RERGL: variants seen among roughly 807,000 people sequenced by gnomAD.
RERGL encodes the protein RERG like.
RERGL carries 22 observed loss-of-function variants against 24.7 expected under a neutral mutation model. The observed-to-expected ratio is 0.89, with a 90% CI of 0.64 to 1.27. The LOEUF is 1.27. Ranked by LOEUF, RERGL falls within the 50% of genes most tolerant of loss-of-function variation. The probability of loss-of-function intolerance (pLI) is 0.00; values close to 1 mark genes in which losing one functional copy is unlikely to be tolerated. For missense variants in RERGL, 259 were observed against 235.3 expected (o/e 1.10, Z -0.66); for synonymous variants, 76 against 82.6 (o/e 0.92, Z 0.43).
rs1055425760 is a variant in RERGL, at chr12:18,080,932, G to T, written c.*259C>A. On this transcript the variant is annotated 3_prime_UTR_variant, in exon 5 of 5. Coordinates refer to ENST00000538724, the MANE Select transcript of RERGL (RefSeq NM_001286201.2). ...TTATTTGGCAAGGCAAACTGGGATC[G>T]CTGTCCGCCAGTAGGTTAGGGTGAG... The T allele has an allele frequency of 3.6e-6, 1 of 278,046 alleles. No homozygotes were observed. The highest frequency in any genetic ancestry group is 2.2e-5 in the African/African-American group (1 of 46,204). The allele number at this position is 278,046 out of a possible 1,614,324, so 17.2% of individuals were successfully genotyped here. A position where few individuals can be genotyped will look rare whatever the true frequency, so the allele number is the denominator to read the frequency against.
chr12:18,081,526 TTAA>T (rs1431447463), intron 4 of RERGL, 53 bp from the exon 5 acceptor site: 273 of 1,011,306 alleles, frequency 2.7e-4, no homozygotes, highest in African/African-American at 8.8e-4. Context: ...ACTCTTTTTT[TTAA>T]AAAAAAAAAA....
rs147371425 is a variant in RERGL, at chr12:18,084,864, A to G, written c.184-199T>C. Among the ~76,000 whole-genome samples, 383 of 152,376 alleles carry G rather than the reference A, an allele frequency of 2.5e-3. 2 individuals are homozygous for G. The highest frequency in any genetic ancestry group is 8.2e-3 in the African/African-American group (341 of 41,596). On this transcript the variant is annotated intron_variant, in intron 3 of 4. Transcript: ENST00000538724. ...AAGTGACTAAATGTAAAACAGAACT[A>G]TAATAAAGTTATATCTATCTAATTT...
chr12:18,089,958 T>G, intron 1 of RERGL, 131 bp downstream of exon 1: 178 of 591,568 alleles, frequency 3.0e-4, no homozygotes, highest in East Asian at 8.0e-4. Context: ...ATCATCCCAG[T>G]GAGATAATGT....
intron 4 of RERGL, among the ~76,000 whole-genome samples, chr12:18,081,931 G>C (rs1947177359): frequency 6.6e-6 from 1 of 152,138 alleles, no homozygotes; most frequent in Non-Finnish European, 1.5e-5. Context: ...ATGAGGTCAG[G>C]AGATCGAGAC....
At chr12:18,088,834 A>T in intron 2 of RERGL, 66 bp downstream of exon 2, 1 of 982,512 alleles carries the variant, frequency 1.0e-6, no homozygotes, top group Non-Finnish European at 1.6e-6. Flanking sequence ...GCATCTCTGT[A>T]CTTAAGTGGG....
At chr12:18,082,733 A>G (rs1050336285) in intron 4 of RERGL, among the ~76,000 whole-genome samples, 1 of 152,198 alleles carries the variant, frequency 6.6e-6, no homozygotes, top group Non-Finnish European at 1.5e-5. Context: ...ATAAGCAAAA[A>G]TATTATTCAA....
chr12:18,089,610 C>A (rs989532588), intron 1 of RERGL, among the ~76,000 whole-genome samples: 1 of 152,102 alleles, frequency 6.6e-6, no homozygotes, highest in South Asian at 2.1e-4. Flanking sequence ...ATCCACCAAG[C>A]CATGCGCCCC....
chr12:18,088,887 A>C lies in RERGL; in HGVS notation c.109+13T>G. On this transcript the variant is annotated intron_variant, in intron 2 of 4. Coordinates refer to ENST00000538724, the MANE Select transcript of RERGL (RefSeq NM_001286201.2). The stretch of plus-strand genomic sequence containing the variant: ...AAAGTTTTAAGGTAAAAATGTCTAG[A>C]GTAGTGACTTACCAAAATTAGAAGC... 2 of 1,541,772 alleles carry C rather than the reference A, an allele frequency of 1.3e-6. No homozygotes were observed. The highest frequency in any genetic ancestry group is 1.8e-6 in the Non-Finnish European group (2 of 1,114,486).
chr12:18,084,684 C>T lies in RERGL; in HGVS notation c.184-19G>A, dbSNP rs1274934862. On this transcript the variant is annotated intron_variant, in intron 3 of 4. Transcript: ENST00000538724. ...TCTGTGTCTGAAAATAAACCAAGTGCATTAAAAGTGGTGGGATCTAATACC... is the reference window on the plus strand; with the variant it reads ...TCTGTGTCTGAAAATAAACCAAGTGTATTAAAAGTGGTGGGATCTAATACC... The T allele has an allele frequency of 6.2e-7, 1 of 1,603,208 alleles. No homozygotes were observed. Among genetic ancestry groups the T allele is most frequent in the Non-Finnish European group, 8.5e-7 (1 of 1,176,652 alleles).
At chr12:18,082,379 C>T (rs539776473) in intron 4 of RERGL, among the ~76,000 whole-genome samples, 56 of 152,150 alleles carry the variant, frequency 3.7e-4, no homozygotes, top group African/African-American at 1.3e-3. Context: ...AATTAACTAA[C>T]GGGTTCTAGG....
intron 2 of RERGL, among the ~76,000 whole-genome samples, chr12:18,088,212 T>C (rs1947237996): frequency 6.6e-6 from 1 of 152,196 alleles, no homozygotes; most frequent in Admixed American, 6.5e-5. Flanking sequence ...ATTTCTTCAA[T>C]TGGGTAAGAT....
chr12:18,085,344 C>T (rs192472729), intron 3 of RERGL, among the ~76,000 whole-genome samples: 2 of 152,150 alleles, frequency 1.3e-5, no homozygotes, highest in Admixed American at 1.3e-4. Flanking sequence ...GACACTGTAA[C>T]CTGATAGAAA....
chr12:18,086,475 A>G (rs11043843), intron 2 of RERGL, among the ~76,000 whole-genome samples: 22,658 of 152,072 alleles, frequency 0.15, 2,710 homozygotes, highest in African/African-American at 0.34. Context: ...TTAATTCTGT[A>G]TCTTGATTTT....
chr12:18,081,635 C>T (rs548345480), intron 4 of RERGL, among the ~76,000 whole-genome samples, 162 bp from the exon 5 acceptor site: 30 of 151,760 alleles, frequency 2.0e-4, no homozygotes, highest in African/African-American at 7.0e-4. Context: ...TACACATAGC[C>T]CCAATTACTT....
intron 2 of RERGL, among the ~76,000 whole-genome samples, 195 bp from the exon 3 acceptor site, chr12:18,085,888 G>C (rs866372326): frequency 6.4e-5 from 8 of 125,274 alleles, no homozygotes; most frequent in South Asian, 4.8e-4. Flanking sequence ...GCCACAGTCT[G>C]TCTCTGTCAC....
At position 18,081,397 on chromosome 12, in the gene RERGL, C is replaced by T. The variant is rs756331045; in HGVS notation, c.409G>A (p.Gly137Arg). 11 of 1,613,926 alleles carry T rather than the reference C, an allele frequency of 6.8e-6. No individual in the cohort carries two copies. The highest frequency in any genetic ancestry group is 1.6e-4 in the Middle Eastern group (1 of 6,084). Residue 137 changes from glycine to arginine, a missense_variant, in exon 5 of 5, where the codon GGG becomes AGG. By Grantham distance (125) the Gly-to-Arg change is moderately radical (BLOSUM62 -2). Coordinates refer to ENST00000538724, the MANE Select transcript of RERGL (RefSeq NM_001286201.2). ...CHVREVGWEE[G>R]QKLALENRCQ... ...CGGTTTTCCAGTGCCAGCTTTTGCC[C>T]TTCTTCCCAGCCAACCTCTCGCACA...
rs1947163607 is a variant in RERGL at position 18,080,895 on chromosome 12, C to A, written c.*296G>T. 1 of 217,560 alleles carries A rather than the reference C, an allele frequency of 4.6e-6. No homozygotes were observed. The highest frequency in any genetic ancestry group is 9.1e-6 in the Non-Finnish European group (1 of 109,930). 13.5% of individuals were successfully genotyped at this position (217,560 alleles called of 1,614,324 possible). The stretch of plus-strand genomic sequence containing the variant: ...ATGGCATGGTCGTTTAATAAATTCA[C>A]ATAAACAGAGTTTATTTGGCAAGGC... On this transcript the variant is annotated 3_prime_UTR_variant, in exon 5 of 5. Coordinates refer to ENST00000538724, the MANE Select transcript of RERGL (RefSeq NM_001286201.2).
At chr12:18,085,961 C>T (rs995723608) in intron 2 of RERGL, among the ~76,000 whole-genome samples, 14 of 150,594 alleles carry the variant, frequency 9.3e-5, no homozygotes, top group Non-Finnish European at 2.1e-4. Flanking sequence ...GGGTTCACGC[C>T]GTTCTCCTGC....
chr12:18,088,891 G>A lies in RERGL; in HGVS notation c.109+9C>T, dbSNP rs1947243809. The stretch of plus-strand genomic sequence containing the variant: ...TTTTAAGGTAAAAATGTCTAGAGTA[G>A]TGACTTACCAAAATTAGAAGCATAT... On this transcript the variant is annotated intron_variant, in intron 2 of 4. Coordinates refer to ENST00000538724, the MANE Select transcript of RERGL (RefSeq NM_001286201.2). The A allele has an allele frequency of 6.4e-7, 1 of 1,569,436 alleles. No homozygotes were observed. The highest frequency in any genetic ancestry group is 1.4e-5 in the African/African-American group (1 of 73,864).
Sources: gnomAD v4.1 joint callset for allele counts (sites outside exome capture counted in the v4.1 genomes callset) on GRCh38, gnomAD v4.1.1 for gene constraint, MANE v1.5 for transcripts, NCBI Gene and HGNC (gene_info 2026-07-23, HGNC 2026-07-21) for gene names.